The following CEP290 variants were observed in gnomAD, a reference collection of about 807,000 sequenced individuals.
CEP290 encodes the protein centrosomal protein 290.
A neutral mutation model predicts 344.9 loss-of-function variants in CEP290; 317 were observed. That is an observed-to-expected ratio of 0.92 (90% confidence interval 0.84 to 1.01). The LOEUF is 1.01. CEP290 is among the 50% of genes least tolerant of loss of function. CEP290 has a pLI of 0.00. For missense variants in CEP290, 2,754 were observed against 2,761.4 expected (o/e 1.00, Z 0.06); for synonymous variants, 932 against 895.8 (o/e 1.04, Z -0.72).
At chr12:88,136,342 T>A in intron 6 of CEP290, 1 of 300,398 alleles carries the variant, frequency 3.3e-6, no homozygotes, top group Non-Finnish European at 6.2e-6. Context: ...TATGAAAATC[T>A]ATTAGTTACT....
At chr12:88,079,892 C>T (rs1487093704) in intron 38 of CEP290, among the ~76,000 whole-genome samples, 1 of 151,876 alleles carries the variant, frequency 6.6e-6, no homozygotes, top group African/African-American at 2.4e-5. Context: ...AAAGAAAATA[C>T]AATGTAATAT....
chr12:88,117,968 G>A (rs1048244211), intron 17 of CEP290, among the ~76,000 whole-genome samples: 8 of 151,998 alleles, frequency 5.3e-5, no homozygotes, highest in South Asian at 2.1e-4. Context: ...CCCGGGAGGC[G>A]GAGGTTGCAA....
chr12:88,067,005 C>CA lies in CEP290; in HGVS notation c.6135+1516dup, dbSNP rs1418551826. On this transcript the variant is annotated intron_variant, in intron 44 of 53. Transcript: ENST00000552810. ...CAAAATTATCTGTTATAAAACATGGCAAAAAAAGCCACTGAAGGAACTTAG... is the reference window on the plus strand; with the variant it reads ...CAAAATTATCTGTTATAAAACATGGCAAAAAAAAGCCACTGAAGGAACTTAG... 5.9e-5 allele frequency among the ~76,000 whole-genome samples: 9 copies of CA among 151,882 alleles called. 1 individual carries two copies. The highest frequency in any genetic ancestry group is 4.2e-4 in the South Asian group (2 of 4,804).
chr12:88,105,507 G>A (rs149408067), intron 25 of CEP290, among the ~76,000 whole-genome samples: 5 of 152,222 alleles, frequency 3.3e-5, no homozygotes, highest in African/African-American at 7.2e-5. Flanking sequence ...ATGAGGAAAC[G>A]CTATTTATTT....
At chr12:88,070,873 C>G (rs746011950) in intron 43 of CEP290, among the ~76,000 whole-genome samples, 4 of 152,008 alleles carry the variant, frequency 2.6e-5, no homozygotes, top group Non-Finnish European at 4.4e-5. Context: ...AATCAGAATA[C>G]CAAAGTTTCT....
intron 49 of CEP290, 123 bp from the exon 50 acceptor site, chr12:88,055,840 C>A: frequency 1.4e-6 from 1 of 722,626 alleles, no homozygotes; most frequent in Non-Finnish European, 2.1e-6. Flanking sequence ...TTCTTCTAGT[C>A]AAAGTTTTAG....
intron 47 of CEP290, among the ~76,000 whole-genome samples, chr12:88,060,403 C>T (rs559915103): frequency 6.6e-5 from 10 of 152,144 alleles, no homozygotes; most frequent in East Asian, 3.9e-4. Context: ...ACTAAAAATA[C>T]GAAAAGTTAG....
intron 47 of CEP290, among the ~76,000 whole-genome samples, chr12:88,060,583 C>T (rs2034400717): frequency 6.6e-6 from 1 of 151,870 alleles, no homozygotes; most frequent in Admixed American, 6.6e-5. Flanking sequence ...AAGAGAGACA[C>T]AGGTAATTAA....
intron 50 of CEP290, among the ~76,000 whole-genome samples, chr12:88,054,681 A>G (rs986697672): frequency 6.6e-6 from 1 of 152,170 alleles, no homozygotes; most frequent in African/African-American, 2.4e-5. Context: ...GGAAGCACAA[A>G]GAATGTGTGT....
At chr12:88,060,450 T>A (rs538350296) in intron 47 of CEP290, among the ~76,000 whole-genome samples, 1 of 151,952 alleles carries the variant, frequency 6.6e-6, no homozygotes, top group East Asian at 1.9e-4. Context: ...TCCCAGCTAC[T>A]GGGGGAGGCT....
chr12:88,052,787 T>C (rs1260421475), intron 52 of CEP290, among the ~76,000 whole-genome samples: 3 of 152,178 alleles, frequency 2.0e-5, no homozygotes, highest in African/African-American at 7.2e-5. Context: ...TACATGACTC[T>C]CCTAAGGCTA....
intron 43 of CEP290, among the ~76,000 whole-genome samples, chr12:88,069,267 T>C (rs1192091362): frequency 2.0e-5 from 3 of 152,104 alleles, no homozygotes; most frequent in Non-Finnish European, 4.4e-5. Context: ...CCCCTCCTCT[T>C]TAATATCTAG....
Position 88,077,320 on chromosome 12 carries a change from G to A in CEP290, c.5611C>T (p.Gln1871Ter). 1 of 1,570,982 alleles carries A rather than the reference G, an allele frequency of 6.4e-7. No individual in the cohort carries two copies. The change falls in exon 41 of 54, where the codon CAA becomes TAA. Residue 1871 changes from glutamine (Q) to a stop codon, truncating the protein, a stop_gained. Transcript: ENST00000552810. LOFTEE classifies it high-confidence loss of function. ...CTTTGGAGTTCTTCAATTAGACTTT[G>A]TTTATTATCTGTCAGGGGTTTGCCC... Reference protein sequence around the residue: ...LQGKPLTDNKQSLIEELQRKV... With the variant: ...LQGKPLTDNK
chr12:88,141,080 C>T lies in CEP290; in HGVS notation c.103-47G>A, dbSNP rs1237568213. Reference sequence around the variant, plus strand: ...TGTTTTATATTTTATAACCTTCAAGCAAAATATAAGAACACTTCCAGATTG... The same window carrying T: ...TGTTTTATATTTTATAACCTTCAAGTAAAATATAAGAACACTTCCAGATTG... On this transcript the variant is annotated intron_variant, in intron 2 of 53. Coordinates refer to ENST00000552810, the MANE Select transcript of CEP290 (RefSeq NM_025114.4). 2.8e-6 allele frequency: 4 copies of T among 1,430,176 alleles called. No individual in the cohort carries two copies. The Admixed American group carries it at 7.9e-5, about 28-fold the overall frequency. The allele number at this position is 1,430,176 out of a possible 1,614,324, so 88.6% of individuals were successfully genotyped here.
At chr12:88,097,784 G>C (rs2037549818) in intron 26 of CEP290, among the ~76,000 whole-genome samples, 1 of 152,002 alleles carries the variant, frequency 6.6e-6, no homozygotes, top group Non-Finnish European at 1.5e-5. Flanking sequence ...CAAGAGTTTT[G>C]CAGCCTTCAC....
intron 32 of CEP290, 21 bp from the exon 33 acceptor site, chr12:88,086,519 G>A (rs1336814480): frequency 2.0e-5 from 31 of 1,538,572 alleles, no homozygotes; most frequent in Non-Finnish European, 2.7e-5. Context: ...GACAATTTGT[G>A]TCAGACACAT....
intron 20 of CEP290, 86 bp from the exon 21 acceptor site, chr12:88,111,944 C>T (rs1195923420): frequency 2.2e-6 from 2 of 916,512 alleles, no homozygotes; most frequent in African/African-American, 3.5e-5. Flanking sequence ...ATAAAATGGA[C>T]ATTTAAGCAT....
At chr12:88,116,621 CAAT>C (rs765707226) in intron 18 of CEP290, among the ~76,000 whole-genome samples, 1 of 151,846 alleles carries the variant, frequency 6.6e-6, no homozygotes, top group Non-Finnish European at 1.5e-5. Context: ...TATTTAACAA[CAAT>C]AATAAGATTA....
chr12:88,054,404 G>A lies in CEP290; in HGVS notation c.6970C>T (p.Leu2324Phe), dbSNP rs1261405954. 6.2e-7 allele frequency: 1 copy of A among 1,610,160 alleles called. No homozygotes were observed. Among genetic ancestry groups the A allele is most frequent in the Non-Finnish European group, 8.5e-7 (1 of 1,177,722 alleles). ...NEDLEQQIKI[L>F]KHVPEGAETE... ...TCAGCACCTTCAGGAACATGTTTAA[G>A]AATCTTAATCTTTGAGGACAATGAA... Residue 2324 changes from leucine (L) to phenylalanine (F), a missense_variant, in exon 51 of 54, where the codon CTT becomes TTT. Coordinates refer to ENST00000552810, the MANE Select transcript of CEP290 (RefSeq NM_025114.4).
Sources: allele counts gnomAD v4.1 joint callset (sites outside exome capture counted in the v4.1 genomes callset), GRCh38; gene constraint gnomAD v4.1.1; transcripts MANE v1.5; gene names NCBI Gene and HGNC (gene_info 2026-07-23, HGNC 2026-07-21).